Variants in PIK3C2G observed in about 807,000 individuals in gnomAD.
PIK3C2G encodes the protein phosphatidylinositol-4-phosphate 3-kinase catalytic subunit type 2 gamma.
Under a neutral mutation model 181.1 loss-of-function variants are expected in PIK3C2G, and 168 were observed. The observed-to-expected ratio is 0.93, with a 90% CI of 0.82 to 1.05. PIK3C2G has a LOEUF of 1.05. PIK3C2G is among the 50% of genes least tolerant of loss of function. PIK3C2G has a pLI of 0.00. For missense variants in PIK3C2G, 1,869 were observed against 1,732.8 expected, an observed-to-expected ratio of 1.08 and a Z score of -1.40; for synonymous variants, 573 against 592.2, an observed-to-expected ratio of 0.97 and a Z score of 0.47.
chr12:18,667,867 G>A, the PIK3C2G span, among the ~76,000 whole-genome samples: 1 of 152,146 alleles, frequency 6.6e-6, no homozygotes, highest in Non-Finnish European at 1.5e-5. Flanking sequence ...TAAGAGGAGA[G>A]ATTCTGCCCA....
intron 1 of PIK3C2G, among the ~76,000 whole-genome samples, chr12:18,272,271 T>G (rs952046571): frequency 5.9e-5 from 9 of 152,176 alleles, no homozygotes; most frequent in African/African-American, 2.2e-4. Context: ...TAGTTTAATG[T>G]GTACCTCTGT....
chr12:18,645,805 GAT>G (rs1413340473), intron 32 of PIK3C2G, among the ~76,000 whole-genome samples: 24 of 152,138 alleles, frequency 1.6e-4, no homozygotes, highest in Admixed American at 1.2e-3. Flanking sequence ...ATAAATTATT[GAT>G]ATGTTTTTTA....
At chr12:18,482,814 A>T (rs994385762) in intron 18 of PIK3C2G, among the ~76,000 whole-genome samples, 10 of 152,146 alleles carry the variant, frequency 6.6e-5, no homozygotes, top group African/African-American at 2.4e-4. Context: ...GACATCGTGG[A>T]CTCACTCTAT....
intron 24 of PIK3C2G, among the ~76,000 whole-genome samples, chr12:18,534,203 G>T (rs1383308702): frequency 6.6e-6 from 1 of 152,000 alleles, no homozygotes; most frequent in Admixed American, 6.6e-5. Flanking sequence ...ACCCTGCTCA[G>T]CCTCCCAAAG....
chr12:18,679,048 T>C, the PIK3C2G span, among the ~76,000 whole-genome samples: 1 of 152,108 alleles, frequency 6.6e-6, no homozygotes, highest in Non-Finnish European at 1.5e-5. Flanking sequence ...TAACTCATTA[T>C]AGTGTTAAGT....
At chr12:18,652,133 C>T (rs777087322), downstream of PIK3C2G, among the ~76,000 whole-genome samples, 3 of 151,948 alleles carry the variant, frequency 2.0e-5, no homozygotes, top group African/African-American at 7.3e-5. Flanking sequence ...GAAGTCCTAA[C>T]CCCAGGTACC....
intron 32 of PIK3C2G, among the ~76,000 whole-genome samples, chr12:18,644,537 T>A (rs1459282491): frequency 6.6e-6 from 1 of 152,184 alleles, no homozygotes. Context: ...GCATTTTACA[T>A]CCCTTAAAAT....
intron 31 of PIK3C2G, among the ~76,000 whole-genome samples, chr12:18,631,024 T>C (rs1949330280): frequency 6.6e-6 from 1 of 151,918 alleles, no homozygotes. Flanking sequence ...TTTAGACAAG[T>C]AGTGGTTATT....
At chr12:18,258,391 C>A (rs900811678), upstream of PIK3C2G, among the ~76,000 whole-genome samples, 1 of 151,914 alleles carries the variant, frequency 6.6e-6, no homozygotes, top group African/African-American at 2.4e-5. Context: ...GAACTTAGTT[C>A]TCCTGTCTAC....
At chr12:18,537,288 A>G (rs934703976) in intron 24 of PIK3C2G, among the ~76,000 whole-genome samples, 7 of 152,118 alleles carry the variant, frequency 4.6e-5, no homozygotes, top group Admixed American at 1.3e-4. Context: ...TTAAATTGCT[A>G]CTTGGTCTAA....
chr12:18,610,496 T>G (rs1948278083), intron 31 of PIK3C2G, among the ~76,000 whole-genome samples: 1 of 152,122 alleles, frequency 6.6e-6, no homozygotes, highest in Non-Finnish European at 1.5e-5. Context: ...GAGAATATGT[T>G]CATTACAAAT....
chr12:18,410,909 G>A (rs903974377), intron 16 of PIK3C2G, among the ~76,000 whole-genome samples: 10 of 152,092 alleles, frequency 6.6e-5, no homozygotes, highest in African/African-American at 1.7e-4. Context: ...TAAGAGGAGC[G>A]AAATCAAGAA....
intron 24 of PIK3C2G, among the ~76,000 whole-genome samples, chr12:18,516,277 C>A (rs200179078): frequency 3.1e-4 from 22 of 70,230 alleles, no homozygotes; most frequent in East Asian, 1.5e-3. Context: ...TTTTTTTTTT[C>A]ATTCAGCATT....
chr12:18,562,992 A>G, intron 27 of PIK3C2G, 100 bp downstream of exon 27: 1 of 764,220 alleles, frequency 1.3e-6, no homozygotes, highest in South Asian at 1.9e-5. Flanking sequence ...ATAATTTTTT[A>G]CTAAGCAAAT....
chr12:18,538,438 A>C (rs1397138189), intron 25 of PIK3C2G, 126 bp downstream of exon 25: 1 of 701,312 alleles, frequency 1.4e-6, no homozygotes, highest in African/African-American at 1.8e-5. Context: ...GAATGAGAAA[A>C]CTAAGAGTAC....
chr12:18,409,567 A>G (rs1944738973), intron 16 of PIK3C2G, among the ~76,000 whole-genome samples: 1 of 152,136 alleles, frequency 6.6e-6, no homozygotes, highest in Non-Finnish European at 1.5e-5. Context: ...AAAAATAAAA[A>G]TAAGCTTCCT....
At chr12:18,634,995 G>T (rs527392780) in intron 31 of PIK3C2G, among the ~76,000 whole-genome samples, 1 of 152,184 alleles carries the variant, frequency 6.6e-6, no homozygotes, top group African/African-American at 2.4e-5. Flanking sequence ...GCAACCCATG[G>T]ATCACTGTAT....
chr12:18,346,625 A>C lies in PIK3C2G; in HGVS notation c.1430-16A>C. The C allele has an allele frequency of 6.5e-7, 1 of 1,549,648 alleles. No homozygotes were observed. Among genetic ancestry groups the C allele is most frequent in the Non-Finnish European group, 8.8e-7 (1 of 1,131,150 alleles). ...GGCCCTTCTTAGTGACTTGATCTCT[A>C]TCTCTTCCTTTCTAGGCTTGATAGA... On this transcript the variant is annotated splice_polypyrimidine_tract_variant and intron_variant, in intron 10 of 32. Coordinates refer to ENST00000538779, the MANE Select transcript of PIK3C2G (RefSeq NM_001288772.2).
At chr12:18,583,790 A>C (rs1177895089) in intron 29 of PIK3C2G, among the ~76,000 whole-genome samples, 2 of 151,972 alleles carry the variant, frequency 1.3e-5, no homozygotes, top group East Asian at 3.9e-4. Flanking sequence ...AAAATGCAGG[A>C]GCTCCAGCAA....
Sources: allele counts gnomAD v4.1 joint callset (sites outside exome capture counted in the v4.1 genomes callset), GRCh38; gene constraint gnomAD v4.1.1; transcripts MANE v1.5; gene names NCBI Gene and HGNC (gene_info 2026-07-23, HGNC 2026-07-21).